GNA11: variants seen among roughly 807,000 people sequenced by gnomAD.
GNA11 encodes the protein guanine nucleotide-binding protein subunit alpha-11.
A neutral mutation model predicts 38.2 loss-of-function variants in GNA11; 8 were observed. The observed-to-expected ratio is 0.21, with a 90% CI of 0.12 to 0.38. GNA11 has a LOEUF of 0.38. Among genes scored for constraint, GNA11 ranks in the 10% least tolerant of loss-of-function variants. GNA11 has a pLI of 1.00. For missense variants in GNA11, 268 were observed against 516.3 expected (o/e 0.52, Z 4.66); for synonymous variants, 211 against 221.4 (o/e 0.95, Z 0.42).
In GNA11 at chr19:3,120,888, G is replaced by T. The variant is rs550054855; in HGVS notation, c.890-101G>T. 130 of 819,132 alleles carry T rather than the reference G, an allele frequency of 1.6e-4. 1 individual carries two copies. The South Asian group carries it at 2.0e-3, about 13-fold the overall frequency. 50.7% of individuals were successfully genotyped at this position (819,132 alleles called of 1,614,324 possible). The stretch of plus-strand genomic sequence containing the variant: ...GGCTGGGGGTCGAGCTGGGTGGGCC[G>T]TGGGCCTTACTCGCTCATCCCCTGG... On this transcript the variant is annotated intron_variant, in intron 6 of 6. Transcript: ENST00000078429. The surrounding 1 kb of genome is among the most constrained non-coding windows in gnomAD (Gnocchi z 5.9).
intron 3 of GNA11, among the ~76,000 whole-genome samples, chr19:3,113,757 C>G (rs1202493259): frequency 6.6e-6 from 1 of 152,204 alleles, no homozygotes; most frequent in Non-Finnish European, 1.5e-5. Context: ...GGAGTGAGCT[C>G]CTGGCCACCC....
At position 3,110,068 on chromosome 19, in the gene GNA11, G is replaced by A. The variant is rs1393841797; in HGVS notation, c.137-81G>A. The stretch of plus-strand genomic sequence containing the variant: ...TTTCCTGTGCTGGGTGCTGCAGCAC[G>A]GCAGGGTCTGGGTAAGAGGGGGCAG... On this transcript the variant is annotated intron_variant, in intron 1 of 6. Coordinates refer to ENST00000078429, the MANE Select transcript of GNA11 (RefSeq NM_002067.5). The surrounding 1 kb of genome is among the most constrained non-coding windows in gnomAD (Gnocchi z 5.4). 1.5e-5 allele frequency: 18 copies of A among 1,167,066 alleles called. No homozygotes were observed. Among genetic ancestry groups the A allele is most frequent in the Admixed American group, 1.0e-4 (5 of 47,876 alleles). 72.3% of individuals were successfully genotyped at this position (1,167,066 alleles called of 1,614,324 possible).
rs756749937 is a variant in GNA11 at position 3,110,966 on chromosome 19, G to A, written c.321+633G>A. Among the ~76,000 whole-genome samples the A allele has an allele frequency of 6.6e-6, 1 of 152,032 alleles. No individual in the cohort carries two copies. The highest frequency in any genetic ancestry group is 2.4e-5 in the African/African-American group (1 of 41,384). ...GCATCACCACGCCTAGCTAATTTTT[G>A]TATTTTTTGTAGAGATGGAATTTCA... On this transcript the variant is annotated intron_variant, in intron 2 of 6. Transcript: ENST00000078429. This position sits in a 1 kb window ranked among gnomAD's most constrained non-coding sequence, Gnocchi z 5.4.
intron 1 of GNA11, among the ~76,000 whole-genome samples, chr19:3,096,881 G>A (rs1913384350): frequency 6.6e-6 from 1 of 152,224 alleles, no homozygotes; most frequent in Non-Finnish European, 1.5e-5. Context: ...GCTGTCAGGG[G>A]GTTGGGAGGG....
chr19:3,110,030 T>C lies in GNA11; in HGVS notation c.137-119T>C, dbSNP rs1913731882. On this transcript the variant is annotated intron_variant, in intron 1 of 6. Transcript: ENST00000078429. This position sits in a 1 kb window ranked among gnomAD's most constrained non-coding sequence, Gnocchi z 5.4. ...GCGTCTGGTGGAGAGACGGTCAGCC[T>C]CACGTGCCTTGGTTTCCTGTGCTGG... 6 of 725,708 alleles carry C rather than the reference T, an allele frequency of 8.3e-6. No homozygotes were observed. In the East Asian group the frequency reaches 1.6e-4, roughly 20 times the overall value. The allele number at this position is 725,708 out of a possible 1,614,324, so 45.0% of individuals were successfully genotyped here. A position where few individuals can be genotyped will look rare whatever the true frequency, so the allele number is the denominator to read the frequency against.
At position 3,111,378 on chromosome 19, in the gene GNA11, G is replaced by A. The variant is rs562603544; in HGVS notation, c.321+1045G>A. 1.3e-4 allele frequency among the ~76,000 whole-genome samples: 20 copies of A among 151,974 alleles called. No homozygotes were observed. The East Asian group carries it at 2.9e-3, about 22-fold the overall frequency. Reference sequence around the variant, plus strand: ...CATCCCCTTCCTGCCTCTGTGGATCGGTCTGTCCTGAACATTTCATAGAAA... The same window carrying A: ...CATCCCCTTCCTGCCTCTGTGGATCAGTCTGTCCTGAACATTTCATAGAAA... On this transcript the variant is annotated intron_variant, in intron 2 of 6. Coordinates refer to ENST00000078429, the MANE Select transcript of GNA11 (RefSeq NM_002067.5).
chr19:3,101,143 C>T (rs1913493352), intron 1 of GNA11, among the ~76,000 whole-genome samples: 1 of 152,150 alleles, frequency 6.6e-6, no homozygotes, highest in Non-Finnish European at 1.5e-5. Context: ...GTTTCAGGGG[C>T]CCTGCAGGGA....
chr19:3,105,759 C>T (rs1050892301), intron 1 of GNA11, among the ~76,000 whole-genome samples: 7 of 152,204 alleles, frequency 4.6e-5, no homozygotes, highest in Non-Finnish European at 1.0e-4. Context: ...GCGGTCTGTG[C>T]GTGGGGTCTT....
At position 3,122,258 on chromosome 19, in the gene GNA11, G is replaced by C; in HGVS notation, c.*1079G>C. The C allele has an allele frequency of 4.3e-6, 1 of 232,934 alleles. No individual in the cohort carries two copies. The highest frequency in any genetic ancestry group is 8.5e-6 in the Non-Finnish European group (1 of 117,648). 14.4% of individuals were successfully genotyped at this position (232,934 alleles called of 1,614,324 possible). On this transcript the variant is annotated 3_prime_UTR_variant, in exon 7 of 7. Transcript: ENST00000078429. The surrounding 1 kb of genome is among the most constrained non-coding windows in gnomAD (Gnocchi z 7.7). ...CAGGTGTGTACCCGAGAGGCAGAGA[G>C]AGGGACGTGGCCGGCAGCTCTGTGC...
intron 3 of GNA11, among the ~76,000 whole-genome samples, chr19:3,114,585 C>T (rs1177815142): frequency 2.0e-5 from 3 of 152,190 alleles, no homozygotes; most frequent in African/African-American, 7.2e-5. Context: ...AGCCAGGCCT[C>T]TCTCGGGAAG....
At chr19:3,096,201 T>A (rs1913360358) in intron 1 of GNA11, among the ~76,000 whole-genome samples, 1 of 152,176 alleles carries the variant, frequency 6.6e-6, no homozygotes, top group African/African-American at 2.4e-5. Flanking sequence ...AGAGGTGCCT[T>A]GGATGAAACG....
At chr19:3,102,139 A>C (rs1568279630) in intron 1 of GNA11, among the ~76,000 whole-genome samples, 3 of 151,994 alleles carry the variant, frequency 2.0e-5, no homozygotes, top group South Asian at 2.1e-4. Flanking sequence ...CAAAAAAAAA[A>C]CGTAGAAAAC....
intron 2 of GNA11, among the ~76,000 whole-genome samples, chr19:3,111,895 C>T (rs1278017395): frequency 6.6e-6 from 1 of 152,230 alleles, no homozygotes; most frequent in African/African-American, 2.4e-5. Flanking sequence ...GCCCTTAGAT[C>T]TTGGTTTGCC....
rs1299797490 is a variant in GNA11, at chr19:3,094,807, C to T, written c.136+20C>T. 4.6e-6 allele frequency: 7 copies of T among 1,532,030 alleles called. No individual in the cohort carries two copies. Among genetic ancestry groups the T allele is most frequent in the Non-Finnish European group, 6.1e-6 (7 of 1,142,842 alleles). 94.9% of individuals were successfully genotyped at this position (1,532,030 alleles called of 1,614,324 possible). A position where few individuals can be genotyped will look rare whatever the true frequency, so the allele number is the denominator to read the frequency against. On this transcript the variant is annotated intron_variant, in intron 1 of 6. Coordinates refer to ENST00000078429, the MANE Select transcript of GNA11 (RefSeq NM_002067.5). This position sits in a 1 kb window ranked among gnomAD's most constrained non-coding sequence, Gnocchi z 6.0. ...TGCTCGGTGAGTGCGGCCCCCGGGC[C>T]TGCCGGCTGCGGGCCCTGCCCTGCC...
intron 3 of GNA11, 93 bp downstream of exon 3, chr19:3,113,577 C>A: frequency 1.0e-6 from 1 of 966,226 alleles, no homozygotes; most frequent in Non-Finnish European, 1.5e-6. Context: ...GTCTGTGGTG[C>A]CCCCTGCCTG....
chr19:3,115,251 AAAAATT>A, intron 4 of GNA11, 179 bp downstream of exon 4: 1 of 616,732 alleles, frequency 1.6e-6, no homozygotes, highest in Non-Finnish European at 2.8e-6. Flanking sequence ...AAAAAATTTT[AAAAATT>A]AGCTGGGCGT....
intron 2 of GNA11, among the ~76,000 whole-genome samples, chr19:3,113,001 T>C (rs1913813200): frequency 1.3e-5 from 2 of 152,088 alleles, no homozygotes; most frequent in African/African-American, 2.4e-5. Flanking sequence ...GGTCCTGGGT[T>C]TGAAGTGTGT....
In GNA11 at chr19:3,122,590, G is replaced by A. The variant is rs993030265; in HGVS notation, c.*1411G>A. Reference sequence around the variant, plus strand: ...CTGTGTTTGGGGAGGTGGCTTTTTCGTCTGCTGTTGACTGAACACTACAGC... The same window carrying A: ...CTGTGTTTGGGGAGGTGGCTTTTTCATCTGCTGTTGACTGAACACTACAGC... On this transcript the variant is annotated 3_prime_UTR_variant, in exon 7 of 7. Coordinates refer to ENST00000078429, the MANE Select transcript of GNA11 (RefSeq NM_002067.5). The surrounding 1 kb of genome is among the most constrained non-coding windows in gnomAD (Gnocchi z 7.7). 2.1e-5 allele frequency: 5 copies of A among 233,032 alleles called. No homozygotes were observed. The highest frequency in any genetic ancestry group is 3.4e-5 in the Non-Finnish European group (4 of 118,008). The allele number at this position is 233,032 out of a possible 1,614,324, so 14.4% of individuals were successfully genotyped here. A position where few individuals can be genotyped will look rare whatever the true frequency, so the allele number is the denominator to read the frequency against.
chr19:3,099,537 C>T lies in GNA11; in HGVS notation c.136+4750C>T, dbSNP rs528193981. ...CCGCCAGGCCCTGTGTGGAGCATCC[C>T]GCCCGGGGGGCCTCCCACCATGTCT... On this transcript the variant is annotated intron_variant, in intron 1 of 6. Coordinates refer to ENST00000078429, the MANE Select transcript of GNA11 (RefSeq NM_002067.5). Among the ~76,000 whole-genome samples the T allele has an allele frequency of 2.6e-5, 4 of 152,276 alleles. No individual in the cohort carries two copies. In the East Asian group the frequency reaches 5.8e-4, roughly 22 times the overall value.
Sources: gnomAD v4.1 joint callset for allele counts (sites outside exome capture counted in the v4.1 genomes callset) on GRCh38, gnomAD v4.1.1 for gene constraint, Gnocchi (gnomAD v3.1) non-coding constraint, MANE v1.5 for transcripts, NCBI Gene and HGNC (gene_info 2026-07-23, HGNC 2026-07-21) for gene names.